Variants in STXBP5L observed in about 807,000 individuals in gnomAD.
STXBP5L encodes the protein syntaxin binding protein 5L.
A neutral mutation model predicts 144.5 loss-of-function variants in STXBP5L; 65 were observed. The observed-to-expected ratio is 0.45, with a 90% CI of 0.37 to 0.55. The LOEUF is 0.55. STXBP5L is among the 20% of genes least tolerant of loss of function. The pLI, the probability that STXBP5L is intolerant of heterozygous loss-of-function variation, is 0.00. For missense variants in STXBP5L, 1,298 were observed against 1,405.5 expected (o/e 0.92, Z 1.22); for synonymous variants, 505 against 469.6 (o/e 1.08, Z -0.97).
At chr3:121,110,788 G>A (rs914094886) in intron 5 of STXBP5L, among the ~76,000 whole-genome samples, 41 of 152,066 alleles carry the variant, frequency 2.7e-4, no homozygotes, top group African/African-American at 9.4e-4. Context: ...TGCTAGGTTA[G>A]GGAAGTTCTT....
At chr3:121,179,912 A>T (rs1389394214) in intron 9 of STXBP5L, among the ~76,000 whole-genome samples, 2 of 152,176 alleles carry the variant, frequency 1.3e-5, no homozygotes, top group East Asian at 3.8e-4. Context: ...TAAAAGATGA[A>T]CCAAGTCTCC....
chr3:121,148,347 G>C (rs955245165), intron 7 of STXBP5L, among the ~76,000 whole-genome samples: 1 of 151,976 alleles, frequency 6.6e-6, no homozygotes, highest in Non-Finnish European at 1.5e-5. Flanking sequence ...TTCAGAATCA[G>C]TCAATGCAAT....
intron 19 of STXBP5L, among the ~76,000 whole-genome samples, chr3:121,289,220 A>G (rs1302002674): frequency 6.6e-6 from 1 of 152,140 alleles, no homozygotes; most frequent in Non-Finnish European, 1.5e-5. Context: ...ATATCAGACA[A>G]AACAGACTTT....
At chr3:121,391,466 G>A (rs2046582473) in intron 22 of STXBP5L, among the ~76,000 whole-genome samples, 2 of 152,046 alleles carry the variant, frequency 1.3e-5, no homozygotes, top group African/African-American at 4.8e-5. Flanking sequence ...AGAGAAGAGG[G>A]GCTCTGATTT....
intron 5 of STXBP5L, among the ~76,000 whole-genome samples, chr3:121,055,953 A>C (rs920774688): frequency 6.6e-6 from 1 of 150,882 alleles, no homozygotes; most frequent in Non-Finnish European, 1.5e-5. Context: ...TTAGCCTCCC[A>C]AAGTGCTGGG....
At chr3:120,935,562 G>A (rs1170698722) in intron 2 of STXBP5L, among the ~76,000 whole-genome samples, 3 of 151,942 alleles carry the variant, frequency 2.0e-5, no homozygotes, top group Non-Finnish European at 4.4e-5. Flanking sequence ...ATCTACTGGT[G>A]ACAAATTCCC....
chr3:121,340,729 T>A (rs745382760), intron 20 of STXBP5L, among the ~76,000 whole-genome samples: 10 of 152,012 alleles, frequency 6.6e-5, no homozygotes, highest in Non-Finnish European at 1.5e-4. Flanking sequence ...AACACTGGGT[T>A]TGCGGTGTGT....
intron 25 of STXBP5L, among the ~76,000 whole-genome samples, chr3:121,416,239 A>T (rs1363256502): frequency 2.0e-5 from 3 of 151,986 alleles, no homozygotes; most frequent in Non-Finnish European, 2.9e-5. Flanking sequence ...GCTAATAAAT[A>T]TCTCATTTGC....
chr3:121,357,058 T>C (rs1327537219), intron 20 of STXBP5L: 1 of 193,020 alleles, frequency 5.2e-6, no homozygotes, highest in Non-Finnish European at 1.1e-5. Flanking sequence ...CATACCCAAA[T>C]TGCCCTTGGC....
chr3:121,127,368 T>C (rs148703601), intron 7 of STXBP5L, among the ~76,000 whole-genome samples: 34 of 152,104 alleles, frequency 2.2e-4, no homozygotes, highest in African/African-American at 7.9e-4. Flanking sequence ...TTTTTCCTAG[T>C]TCTAACAACC....
At chr3:121,008,863 G>A (rs1224437070) in intron 3 of STXBP5L, among the ~76,000 whole-genome samples, 1 of 151,856 alleles carries the variant, frequency 6.6e-6, no homozygotes, top group African/African-American at 2.4e-5. Flanking sequence ...AGAATATGTA[G>A]CAATTGTAAT....
chr3:121,292,785 G>T (rs776670007), intron 19 of STXBP5L, among the ~76,000 whole-genome samples: 2 of 152,144 alleles, frequency 1.3e-5, no homozygotes, highest in Non-Finnish European at 2.9e-5. Flanking sequence ...ACTCAGGAAT[G>T]GAAAACCAAA....
At chr3:121,222,766 C>G (rs1354243525) in intron 10 of STXBP5L, among the ~76,000 whole-genome samples, 1 of 152,104 alleles carries the variant, frequency 6.6e-6, no homozygotes, top group Non-Finnish European at 1.5e-5. Flanking sequence ...TTCCCCAAAC[C>G]TACCCCAATA....
At chr3:121,029,264 A>G (rs192800716) in intron 3 of STXBP5L, among the ~76,000 whole-genome samples, 3 of 152,316 alleles carry the variant, frequency 2.0e-5, no homozygotes, top group Admixed American at 6.5e-5. Context: ...GCATCACGCT[A>G]TGTGACTTCA....
At chr3:121,040,130 A>T (rs1006787826) in intron 3 of STXBP5L, among the ~76,000 whole-genome samples, 1 of 151,850 alleles carries the variant, frequency 6.6e-6, no homozygotes, top group Non-Finnish European at 1.5e-5. Flanking sequence ...TCTCCTTGTT[A>T]CAAGTTATAT....
chr3:121,312,446 C>CTTTTTTTTTTTTTTTTTTTT (rs58989280), intron 19 of STXBP5L, among the ~76,000 whole-genome samples: 3 of 12,750 alleles, frequency 2.4e-4, no homozygotes, highest in Non-Finnish European at 3.5e-4. Flanking sequence ...GTATGTCAAT[C>CTTTTTTTTTTTTTTTTTTTT]TTTTTTTTTT....
At chr3:121,320,854 C>G (rs533672876) in intron 20 of STXBP5L, among the ~76,000 whole-genome samples, 1 of 152,176 alleles carries the variant, frequency 6.6e-6, no homozygotes, top group South Asian at 2.1e-4. Context: ...GAGCGTGTCA[C>G]ACACCCAGCT....
intron 3 of STXBP5L, among the ~76,000 whole-genome samples, chr3:121,000,673 G>T (rs1431794616): frequency 6.6e-6 from 1 of 152,186 alleles, no homozygotes; most frequent in Non-Finnish European, 1.5e-5. Context: ...TGGTCATTTG[G>T]AGGTAAGAAG....
chr3:121,415,098 G>A (rs1439246999), intron 24 of STXBP5L, among the ~76,000 whole-genome samples: 1 of 152,166 alleles, frequency 6.6e-6, no homozygotes, highest in African/African-American at 2.4e-5. Context: ...CATACTGGAA[G>A]TTCATAGGAA....
Sources: gnomAD v4.1 joint callset for allele counts (sites outside exome capture counted in the v4.1 genomes callset) on GRCh38, gnomAD v4.1.1 for gene constraint, MANE v1.5 for transcripts, NCBI Gene and HGNC (gene_info 2026-07-23, HGNC 2026-07-21) for gene names.